The following INSYN2A variants were observed in gnomAD, a reference collection of about 807,000 sequenced individuals.
INSYN2A encodes the protein inhibitory synaptic factor 2A, also known as family with sequence similarity 196 member A.
INSYN2A carries 17 observed loss-of-function variants against 39.4 expected under a neutral mutation model. The ratio of observed to expected loss-of-function variants is 0.43; its 90% CI spans 0.30 to 0.65. The LOEUF (loss-of-function observed/expected upper bound fraction) is 0.65. INSYN2A is among the 30% of genes least tolerant of loss of function. INSYN2A has a pLI of 0.14. For missense variants in INSYN2A, 595 were observed against 631.2 expected, an observed-to-expected ratio of 0.94 and a Z score of 0.61; for synonymous variants, 255 against 265.7, an observed-to-expected ratio of 0.96 and a Z score of 0.39.
chr10:127,185,357 C>T (rs954410676), intron 2 of INSYN2A, among the ~76,000 whole-genome samples: 1 of 152,138 alleles, frequency 6.6e-6, no homozygotes, highest in Admixed American at 6.5e-5. Context: ...TGAATCCCGT[C>T]TCTACTAAAA....
intron 4 of INSYN2A, among the ~76,000 whole-genome samples, chr10:127,167,998 C>T (rs1279157784): frequency 6.6e-6 from 1 of 152,186 alleles, no homozygotes; most frequent in Non-Finnish European, 1.5e-5. Flanking sequence ...GACTGAGACC[C>T]TCTTTGTCCA....
At chr10:127,178,633 G>A (rs2133937953) in intron 2 of INSYN2A, among the ~76,000 whole-genome samples, 2 of 152,314 alleles carry the variant, frequency 1.3e-5, no homozygotes, top group Middle Eastern at 6.8e-3. Flanking sequence ...AGACAGCAAA[G>A]GAAGTCCTTG....
At chr10:127,174,205 C>T (rs1326553580) in intron 4 of INSYN2A, among the ~76,000 whole-genome samples, 1 of 152,230 alleles carries the variant, frequency 6.6e-6, no homozygotes, top group Non-Finnish European at 1.5e-5. Flanking sequence ...TCAGGGCTCG[C>T]AGAGTGAAGG....
chr10:127,164,651 G>A (rs1364624187), intron 4 of INSYN2A, among the ~76,000 whole-genome samples: 2 of 152,208 alleles, frequency 1.3e-5, no homozygotes, highest in Non-Finnish European at 2.9e-5. Context: ...CAAATACAGA[G>A]ATGAACACTA....
intron 4 of INSYN2A, among the ~76,000 whole-genome samples, chr10:127,167,799 A>G (rs1001446973): frequency 4.6e-5 from 7 of 152,002 alleles, no homozygotes; most frequent in South Asian, 2.1e-4. Context: ...GTCTCCATTT[A>G]GTGATCCTCA....
At chr10:127,166,649 G>A (rs1037982635) in intron 4 of INSYN2A, among the ~76,000 whole-genome samples, 3 of 152,154 alleles carry the variant, frequency 2.0e-5, no homozygotes, top group Non-Finnish European at 4.4e-5. Flanking sequence ...ATCTGTATGG[G>A]GATTCTCATT....
At position 127,175,164 on chromosome 10, in the gene INSYN2A, T is replaced by C. The variant is rs2133887381; in HGVS notation, c.1184+48A>G. 1 of 1,493,774 alleles carries C rather than the reference T, an allele frequency of 6.7e-7. No homozygotes were observed. The highest frequency in any genetic ancestry group is 9.2e-7 in the Non-Finnish European group (1 of 1,088,014). The allele number at this position is 1,493,774 out of a possible 1,614,324, so 92.5% of individuals were successfully genotyped here. A position where few individuals can be genotyped will look rare whatever the true frequency, so the allele number is the denominator to read the frequency against. ...GGTTTGGGGCTACAGATGGACTCTGTGGTGATCAGCCTGCATAGCTTCCTA... is the reference window on the plus strand; with the variant it reads ...GGTTTGGGGCTACAGATGGACTCTGCGGTGATCAGCCTGCATAGCTTCCTA... On this transcript the variant is annotated intron_variant, in intron 4 of 5. Transcript: ENST00000522781. This position sits in a 1 kb window ranked among gnomAD's most constrained non-coding sequence, Gnocchi z 6.3.
intron 4 of INSYN2A, among the ~76,000 whole-genome samples, chr10:127,160,844 C>T (rs554498003): frequency 1.3e-5 from 2 of 152,276 alleles, no homozygotes; most frequent in African/African-American, 2.4e-5. Context: ...ATGCAACAAC[C>T]GTTTTTTTCT....
intron 2 of INSYN2A, among the ~76,000 whole-genome samples, chr10:127,180,055 C>T (rs1020207182): frequency 1.3e-5 from 2 of 152,188 alleles, no homozygotes; most frequent in Non-Finnish European, 2.9e-5. Context: ...ACAGCTGAAT[C>T]CGTTTGAATC....
chr10:127,183,913 T>C (rs2055972755), intron 2 of INSYN2A, among the ~76,000 whole-genome samples: 1 of 152,214 alleles, frequency 6.6e-6, no homozygotes, highest in Non-Finnish European at 1.5e-5. Context: ...ACCTCTGTCT[T>C]CTCTGTGCAT....
chr10:127,161,953 T>G (rs911948102), intron 4 of INSYN2A, among the ~76,000 whole-genome samples: 5 of 152,236 alleles, frequency 3.3e-5, no homozygotes, highest in African/African-American at 1.2e-4. Context: ...TTCCTGACAG[T>G]TAAGTAAAAC....
intron 1 of INSYN2A, among the ~76,000 whole-genome samples, chr10:127,192,968 G>A (rs565065895): frequency 3.3e-5 from 5 of 152,268 alleles, no homozygotes; most frequent in Admixed American, 2.0e-4. Context: ...GTTAGCTCCA[G>A]TATTGGAATA....
chr10:127,187,243 C>T (rs1353723537), intron 2 of INSYN2A, among the ~76,000 whole-genome samples: 1 of 152,200 alleles, frequency 6.6e-6, no homozygotes, highest in African/African-American at 2.4e-5. Flanking sequence ...CCAGCACCTC[C>T]TTGGAACAGA....
At position 127,136,679 on chromosome 10, in the gene INSYN2A, G is replaced by A. The variant is rs1205338022; in HGVS notation, c.*1158C>T. 6.6e-6 allele frequency: 1 copy of A among 152,602 alleles called. No individual in the cohort carries two copies. Among genetic ancestry groups the A allele is most frequent in the African/African-American group, 2.4e-5 (1 of 41,438 alleles). The allele number at this position is 152,602 out of a possible 1,614,324, so 9.5% of individuals were successfully genotyped here. A position where few individuals can be genotyped will look rare whatever the true frequency, so the allele number is the denominator to read the frequency against. On this transcript the variant is annotated 3_prime_UTR_variant, in exon 6 of 6. Transcript: ENST00000522781. ...TCAAGAGAGAACTCTAAGTGTTACT[G>A]TTGATTTAAAAAATACCTAAAAACA...
chr10:127,154,853 C>T (rs2052883926), intron 4 of INSYN2A, among the ~76,000 whole-genome samples: 1 of 152,170 alleles, frequency 6.6e-6, no homozygotes, highest in Non-Finnish European at 1.5e-5. Flanking sequence ...TGAGAATTTT[C>T]TGGACCAGGC....
At chr10:127,145,014 G>C (rs976917907) in intron 5 of INSYN2A, among the ~76,000 whole-genome samples, 3 of 152,210 alleles carry the variant, frequency 2.0e-5, no homozygotes, top group Non-Finnish European at 4.4e-5. Context: ...TCCAAAGTTA[G>C]AGTTAGACGA....
intron 5 of INSYN2A, among the ~76,000 whole-genome samples, chr10:127,140,917 T>C (rs2483854): frequency 0.82 from 124,345 of 152,166 alleles, 51,721 homozygotes; most frequent in South Asian, 0.91. Flanking sequence ...AGCGGCTTGT[T>C]CAGATAGTGC....
chr10:127,177,605 C>CTT (rs1564874406), intron 2 of INSYN2A, among the ~76,000 whole-genome samples: 4 of 152,156 alleles, frequency 2.6e-5, no homozygotes, highest in Non-Finnish European at 5.9e-5. Flanking sequence ...TGGACATGGG[C>CTT]CCGTGAGAGC....
intron 4 of INSYN2A, among the ~76,000 whole-genome samples, chr10:127,172,573 AG>A (rs149109958): frequency 0.049 from 7,510 of 152,170 alleles, 492 homozygotes; most frequent in African/African-American, 0.15. Context: ...ATTGAGCAAG[AG>A]GGGGCCCCAT....
Sources: gnomAD v4.1 joint callset for allele counts (sites outside exome capture counted in the v4.1 genomes callset) on GRCh38, gnomAD v4.1.1 for gene constraint, Gnocchi (gnomAD v3.1) non-coding constraint, MANE v1.5 for transcripts, NCBI Gene and HGNC (gene_info 2026-07-23, HGNC 2026-07-21) for gene names.